LDLRAD4: variants seen among roughly 807,000 people sequenced by gnomAD.
LDLRAD4 encodes low-density lipoprotein receptor class A domain-containing protein 4.
In LDLRAD4, 5 loss-of-function variants were observed where a neutral mutation model predicts 17.0. The observed-to-expected ratio is 0.29, with a 90% CI of 0.15 to 0.62. The LOEUF is 0.62. LDLRAD4 is among the 20% of genes least tolerant of loss of function. LDLRAD4 has a pLI of 0.84. For missense variants in LDLRAD4, 340 were observed against 424.7 expected (o/e 0.80, Z 1.75); for synonymous variants, 168 against 171.8 (o/e 0.98, Z 0.17).
At chr18:13,485,416 G>A (rs369447846) in intron 3 of LDLRAD4, among the ~76,000 whole-genome samples, 10 of 152,342 alleles carry the variant, frequency 6.6e-5, no homozygotes, top group African/African-American at 2.4e-4. Flanking sequence ...CTGGGCCTCC[G>A]CCTGCTTCCT....
At chr18:13,572,330 C>T (rs1022476650) in intron 3 of LDLRAD4, among the ~76,000 whole-genome samples, 8 of 152,222 alleles carry the variant, frequency 5.3e-5, no homozygotes, top group Non-Finnish European at 2.9e-5. Context: ...GCCGGCTGTC[C>T]TTCTGTGATC....
At chr18:13,229,866 G>A (rs1262423354) in intron 1 of LDLRAD4, among the ~76,000 whole-genome samples, 1 of 152,212 alleles carries the variant, frequency 6.6e-6, no homozygotes, top group Admixed American at 6.5e-5. Context: ...CCATACCAGG[G>A]AGACAGAGGA....
At chr18:13,250,305 C>T (rs554104560) in intron 1 of LDLRAD4, among the ~76,000 whole-genome samples, 1 of 151,832 alleles carries the variant, frequency 6.6e-6, no homozygotes, top group South Asian at 2.1e-4. Context: ...TTTTATAATT[C>T]CATATGAAAC....
intron 3 of LDLRAD4, among the ~76,000 whole-genome samples, chr18:13,591,430 G>GTGTC (rs573816570): frequency 6.2e-5 from 1 of 16,148 alleles, no homozygotes; most frequent in African/African-American, 1.9e-4. Flanking sequence ...GTGTGTGTGT[G>GTGTC]TCTGTGTGTG....
At chr18:13,332,399 A>G (rs1029156150) in intron 1 of LDLRAD4, among the ~76,000 whole-genome samples, 14 of 152,224 alleles carry the variant, frequency 9.2e-5, no homozygotes, top group African/African-American at 3.4e-4. Flanking sequence ...TAATGAGCCC[A>G]TACTGAAACA....
At chr18:13,610,587 C>T (rs2039454387) in intron 3 of LDLRAD4, among the ~76,000 whole-genome samples, 1 of 152,020 alleles carries the variant, frequency 6.6e-6, no homozygotes, top group Admixed American at 6.6e-5. Flanking sequence ...GTGCCTGCCC[C>T]ACAAAGCCCT....
intron 1 of LDLRAD4, among the ~76,000 whole-genome samples, chr18:13,314,740 A>G (rs963929419): frequency 6.6e-6 from 1 of 152,216 alleles, no homozygotes. Context: ...CAAAACGTAG[A>G]GTTTTAGCTA....
intron 1 of LDLRAD4, among the ~76,000 whole-genome samples, chr18:13,268,377 A>G (rs909370861): frequency 2.6e-5 from 4 of 152,132 alleles, no homozygotes; most frequent in Non-Finnish European, 4.4e-5. Flanking sequence ...CTTGGTCTTT[A>G]TATGCACATC....
intron 1 of LDLRAD4, among the ~76,000 whole-genome samples, chr18:13,245,689 G>C (rs900672324): frequency 1.3e-5 from 2 of 152,204 alleles, no homozygotes; most frequent in African/African-American, 4.8e-5. Context: ...GATCATTTCT[G>C]CTTCAAGGGG....
intron 1 of LDLRAD4, among the ~76,000 whole-genome samples, chr18:13,290,515 T>G (rs1255100359): frequency 6.6e-6 from 1 of 152,168 alleles, no homozygotes; most frequent in Non-Finnish European, 1.5e-5. Flanking sequence ...TTTGCTTTCT[T>G]CATTTGCTTG....
intron 1 of LDLRAD4, among the ~76,000 whole-genome samples, chr18:13,380,298 G>A (rs1371411601): frequency 6.6e-6 from 1 of 152,220 alleles, no homozygotes; most frequent in Non-Finnish European, 1.5e-5. Context: ...GCGAGCGGCT[G>A]GTGCAGGTGT....
At chr18:13,590,025 ATG>A (rs1568376664) in intron 3 of LDLRAD4, among the ~76,000 whole-genome samples, 4 of 124,538 alleles carry the variant, frequency 3.2e-5, no homozygotes, top group African/African-American at 1.4e-4. Context: ...GTGCATGTGT[ATG>A]GGTGTGCATG....
chr18:13,571,928 A>G (rs1248786355), intron 3 of LDLRAD4, among the ~76,000 whole-genome samples: 1 of 152,182 alleles, frequency 6.6e-6, no homozygotes, highest in Non-Finnish European at 1.5e-5. Flanking sequence ...GAGCTACCGC[A>G]CCGGGCCTAT....
intron 3 of LDLRAD4, among the ~76,000 whole-genome samples, chr18:13,566,901 A>G (rs766771524): frequency 1.3e-5 from 2 of 152,206 alleles, no homozygotes; most frequent in Non-Finnish European, 2.9e-5. Flanking sequence ...TTTGTGCTGA[A>G]TACTGTGCTA....
intron 1 of LDLRAD4, among the ~76,000 whole-genome samples, chr18:13,370,056 C>T (rs184481632): frequency 1.5e-4 from 22 of 151,216 alleles, no homozygotes; most frequent in Non-Finnish European, 2.8e-4. Context: ...CCTCAGCCAA[C>T]GCACTAATTA....
chr18:13,412,479 T>C (rs2145717301), intron 2 of LDLRAD4, among the ~76,000 whole-genome samples: 1 of 152,328 alleles, frequency 6.6e-6, no homozygotes, highest in East Asian at 1.9e-4. Flanking sequence ...CCATGGTGTT[T>C]CTATTTGAAT....
At chr18:13,581,318 C>A (rs2094853925) in intron 3 of LDLRAD4, among the ~76,000 whole-genome samples, 2 of 152,120 alleles carry the variant, frequency 1.3e-5, no homozygotes, top group Admixed American at 1.3e-4. Flanking sequence ...TATGCTCAAC[C>A]CCTAATACAT....
chr18:13,570,968 A>G (rs992122075), intron 3 of LDLRAD4, among the ~76,000 whole-genome samples: 1 of 152,002 alleles, frequency 6.6e-6, no homozygotes, highest in Non-Finnish European at 1.5e-5. Context: ...ACAGGCGCAT[A>G]CCACCATACC....
chr18:13,483,523 G>C (rs2093146381), intron 3 of LDLRAD4, among the ~76,000 whole-genome samples: 1 of 152,194 alleles, frequency 6.6e-6, no homozygotes. Flanking sequence ...CAGCATGGTG[G>C]GTGGGAGCCC....
Sources: allele counts gnomAD v4.1 joint callset (sites outside exome capture counted in the v4.1 genomes callset), GRCh38; gene constraint gnomAD v4.1.1; transcripts MANE v1.5; gene names NCBI Gene and HGNC (gene_info 2026-07-23, HGNC 2026-07-21).